Variants in SNX7 observed in about 807,000 individuals in gnomAD.
SNX7 encodes the protein sorting nexin 7.
SNX7 carries 35 observed loss-of-function variants against 48.4 expected under a neutral mutation model. The observed-to-expected ratio is 0.72, with a 90% confidence interval of 0.55 to 0.96. SNX7 has a LOEUF of 0.96. SNX7 is among the 40% of genes least tolerant of loss of function. SNX7 has a pLI of 0.00. For synonymous variants in SNX7, 190 were observed against 190.2 expected, an observed-to-expected ratio of 1.00 and a Z score of 0.01; for missense variants, 553 against 548.9, an observed-to-expected ratio of 1.01 and a Z score of -0.07.
intron 6 of SNX7, among the ~76,000 whole-genome samples, chr1:98,701,482 TTTTG>T (rs997076939): frequency 2.0e-5 from 3 of 152,142 alleles, no homozygotes; most frequent in Non-Finnish European, 4.4e-5. Flanking sequence ...TTCTACTATT[TTTTG>T]TTTGTTTTGC....
At chr1:98,668,362 A>C (rs1424339108) in intron 1 of SNX7, among the ~76,000 whole-genome samples, 1 of 152,192 alleles carries the variant, frequency 6.6e-6, no homozygotes, top group Non-Finnish European at 1.5e-5. Flanking sequence ...GATCCATTCC[A>C]CTCTCAGCAT....
intron 1 of SNX7, among the ~76,000 whole-genome samples, chr1:98,665,801 G>A (rs555560124): frequency 5.7e-4 from 87 of 152,186 alleles, no homozygotes; most frequent in Non-Finnish European, 8.7e-4. Flanking sequence ...TGTTGGCCAG[G>A]CTGGTCTCAA....
At chr1:98,669,472 T>C (rs915194734) in intron 1 of SNX7, among the ~76,000 whole-genome samples, 19 of 152,200 alleles carry the variant, frequency 1.2e-4, no homozygotes, top group African/African-American at 4.3e-4. Flanking sequence ...TCACAGCTGT[T>C]GATGTTTAGG....
At chr1:98,714,350 G>A (rs1291504870) in intron 7 of SNX7, among the ~76,000 whole-genome samples, 3 of 152,122 alleles carry the variant, frequency 2.0e-5, no homozygotes, top group Non-Finnish European at 4.4e-5. Flanking sequence ...TCCCATTTTT[G>A]TGGACGGGAA....
chr1:98,729,976 G>T (rs1653415096), intron 7 of SNX7, among the ~76,000 whole-genome samples: 1 of 152,074 alleles, frequency 6.6e-6, no homozygotes, highest in South Asian at 2.1e-4. Flanking sequence ...CTTCAGACCA[G>T]TATCCCTGAT....
At chr1:98,744,727 A>G (rs944328694) in intron 8 of SNX7, among the ~76,000 whole-genome samples, 3 of 152,086 alleles carry the variant, frequency 2.0e-5, no homozygotes, top group Non-Finnish European at 4.4e-5. Context: ...CTAAAATCCA[A>G]TACATTTGAA....
chr1:98,726,865 C>T (rs958325953), intron 7 of SNX7, among the ~76,000 whole-genome samples: 1 of 152,190 alleles, frequency 6.6e-6, no homozygotes, highest in African/African-American at 2.4e-5. Flanking sequence ...TCATCCTGTG[C>T]CCTTTGTCCT....
upstream of SNX7, among the ~76,000 whole-genome samples, chr1:98,661,512 C>T (rs565629711): frequency 5.3e-5 from 8 of 152,242 alleles, no homozygotes; most frequent in South Asian, 1.2e-3. Flanking sequence ...TAGCCGGAGT[C>T]CGAGAGTCCC....
chr1:98,669,463 C>A (rs1557784998), intron 1 of SNX7, among the ~76,000 whole-genome samples: 1 of 152,202 alleles, frequency 6.6e-6, no homozygotes, highest in Non-Finnish European at 1.5e-5. Context: ...ATTTGCCATT[C>A]ACAGCTGTTG....
At chr1:98,753,931 GTTTT>G (rs1654710099) in intron 8 of SNX7, among the ~76,000 whole-genome samples, 1 of 151,960 alleles carries the variant, frequency 6.6e-6, no homozygotes, top group Non-Finnish European at 1.5e-5. Context: ...ATGAAACTGA[GTTTT>G]AATTTCTTTT....
rs1252239112 is a variant in SNX7 at position 98,699,054 on chromosome 1, G to A, written c.1038+149G>A. On this transcript the variant is annotated intron_variant, in intron 6 of 8. Coordinates refer to ENST00000306121, the MANE Select transcript of SNX7 (RefSeq NM_015976.5). ...GATGTTCAATAAATATTTATTCACT[G>A]TGTGTCTAAATAGATGAAGGAAAGA... 5 of 684,928 alleles carry A rather than the reference G, an allele frequency of 7.3e-6. No individual in the cohort carries two copies. In the East Asian group the frequency reaches 1.4e-4, roughly 19 times the overall value. 42.4% of individuals were successfully genotyped at this position (684,928 alleles called of 1,614,324 possible).
At chr1:98,708,319 A>G (rs1023682455) in intron 7 of SNX7, among the ~76,000 whole-genome samples, 1 of 152,078 alleles carries the variant, frequency 6.6e-6, no homozygotes, top group African/African-American at 2.4e-5. Context: ...ATTTCCTTTT[A>G]TCAGTTTATC....
At chr1:98,714,628 T>C (rs1464857583) in intron 7 of SNX7, among the ~76,000 whole-genome samples, 1 of 152,066 alleles carries the variant, frequency 6.6e-6, no homozygotes, top group Non-Finnish European at 1.5e-5. Flanking sequence ...AGCTGAATCA[T>C]CATAAGGGGC....
intron 1 of SNX7, among the ~76,000 whole-genome samples, chr1:98,663,395 C>T (rs1649374723): frequency 6.7e-6 from 1 of 148,708 alleles, no homozygotes; most frequent in African/African-American, 2.5e-5. Context: ...TTGTTTTAAA[C>T]TTGTCAAGTG....
At chr1:98,686,147 A>G (rs1469079952) in intron 2 of SNX7, among the ~76,000 whole-genome samples, 2 of 152,144 alleles carry the variant, frequency 1.3e-5, no homozygotes, top group South Asian at 2.1e-4. Flanking sequence ...TTTTCAATAT[A>G]CAACTCAAAA....
chr1:98,710,240 T>C (rs558305952), intron 7 of SNX7, among the ~76,000 whole-genome samples: 2 of 152,272 alleles, frequency 1.3e-5, no homozygotes, highest in South Asian at 4.1e-4. Flanking sequence ...AGTAACTGCA[T>C]ATTAAGGTTT....
At chr1:98,672,059 TG>T (rs1315340474) in intron 1 of SNX7, among the ~76,000 whole-genome samples, 1 of 152,078 alleles carries the variant, frequency 6.6e-6, no homozygotes, top group Non-Finnish European at 1.5e-5. Context: ...CTGAGAAAAA[TG>T]TGCATGTGTA....
chr1:98,662,651 G>A (rs1287534268), intron 1 of SNX7: 2 of 1,287,170 alleles, frequency 1.6e-6, no homozygotes, highest in East Asian at 1.1e-4. Context: ...ACTGGTGTTT[G>A]TAATTTCTTA....
chr1:98,673,501 A>G (rs1649990510), intron 1 of SNX7, among the ~76,000 whole-genome samples: 1 of 152,052 alleles, frequency 6.6e-6, no homozygotes, highest in Non-Finnish European at 1.5e-5. Context: ...CTATATATTT[A>G]TTTGCTCATT....
Sources: allele counts gnomAD v4.1 joint callset (sites outside exome capture counted in the v4.1 genomes callset), GRCh38; gene constraint gnomAD v4.1.1; transcripts MANE v1.5; gene names NCBI Gene and HGNC (gene_info 2026-07-23, HGNC 2026-07-21).